Variants in ADGB observed in about 807,000 individuals in gnomAD.
The protein encoded by ADGB is androglobin.
A neutral mutation model predicts 210.5 loss-of-function variants in ADGB; 172 were observed. The ratio of observed to expected loss-of-function variants is 0.82; its 90% CI spans 0.72 to 0.93. The LOEUF is 0.93. Among genes scored for constraint, ADGB ranks in the 40% least tolerant of loss-of-function variants. ADGB has a pLI of 0.00. For synonymous variants in ADGB, 658 were observed against 662.7 expected (o/e 0.99, Z 0.11); for missense variants, 2,025 against 1,964.8 (o/e 1.03, Z -0.58).
chr6:146,677,925 T>C (rs1398176571), intron 9 of ADGB, among the ~76,000 whole-genome samples: 1 of 152,176 alleles, frequency 6.6e-6, no homozygotes, highest in Non-Finnish European at 1.5e-5. Context: ...TAGAGCTACA[T>C]TTTAGCATAT....
intron 1 of ADGB, among the ~76,000 whole-genome samples, chr6:146,609,088 GTCT>G (rs1397999714): frequency 7.2e-5 from 11 of 152,078 alleles, no homozygotes; most frequent in Non-Finnish European, 1.0e-4. Context: ...GGATAGTTAA[GTCT>G]TCTTTTTGAA....
chr6:146,630,687 T>C (rs1470997948), intron 1 of ADGB, among the ~76,000 whole-genome samples: 1 of 152,220 alleles, frequency 6.6e-6, no homozygotes, highest in Non-Finnish European at 1.5e-5. Context: ...TTTCAATATA[T>C]ACAGTACATG....
chr6:146,774,295 G>A (rs1777693005), intron 29 of ADGB, among the ~76,000 whole-genome samples: 1 of 152,160 alleles, frequency 6.6e-6, no homozygotes, highest in Non-Finnish European at 1.5e-5. Context: ...ATGTAAATAT[G>A]TAGAATTGGG....
chr6:146,611,975 T>C (rs543673142), intron 1 of ADGB, among the ~76,000 whole-genome samples: 1 of 152,238 alleles, frequency 6.6e-6, no homozygotes, highest in South Asian at 2.1e-4. Context: ...AAGCTTAAGA[T>C]CTTAGTGGCC....
At chr6:146,629,835 C>G (rs1781033096) in intron 1 of ADGB, among the ~76,000 whole-genome samples, 1 of 152,086 alleles carries the variant, frequency 6.6e-6, no homozygotes, top group Admixed American at 6.6e-5. Context: ...TTCTTACATG[C>G]TACTTAGGAA....
At position 146,748,076 on chromosome 6, in the gene ADGB, G is replaced by A. The variant is rs552286228; in HGVS notation, c.3365+1967G>A. Among the ~76,000 whole-genome samples the A allele has an allele frequency of 1.1e-3, 164 of 151,868 alleles. 1 individual carries two copies. The highest frequency in any genetic ancestry group is 8.9e-3 in the Admixed American group (136 of 15,214). On this transcript the variant is annotated intron_variant, in intron 26 of 35. Transcript: ENST00000397944. ...TGGGATTACAGATGTGAGCAACTGC[G>A]CCCAGCCCATTAATTATATTTTATA...
intron 13 of ADGB, among the ~76,000 whole-genome samples, chr6:146,702,482 T>C (rs1314923055): frequency 6.6e-6 from 1 of 151,838 alleles, no homozygotes; most frequent in Admixed American, 6.6e-5. Flanking sequence ...GTAAAACAAA[T>C]GTAAAGAAAT....
chr6:146,665,211 A>G lies in ADGB; in HGVS notation c.752+871A>G, dbSNP rs117678649. 4.9e-3 allele frequency among the ~76,000 whole-genome samples: 744 copies of G among 151,930 alleles called. 13 individuals are homozygous for G. Among genetic ancestry groups the G allele is most frequent in the East Asian group, 0.046 (239 of 5,142 alleles). On this transcript the variant is annotated intron_variant, in intron 6 of 35. Transcript: ENST00000397944. ...CTCAGCCCCCTCCCCTTCTATAAACATTGCAATGTTAGTCAGAAGTCAGGC... is the reference window on the plus strand; with the variant it reads ...CTCAGCCCCCTCCCCTTCTATAAACGTTGCAATGTTAGTCAGAAGTCAGGC...
intron 13 of ADGB, among the ~76,000 whole-genome samples, chr6:146,711,939 C>G (rs1466483837): frequency 1.3e-5 from 2 of 151,896 alleles, no homozygotes; most frequent in Non-Finnish European, 2.9e-5. Context: ...TGTCTGTTGT[C>G]CCAGCTCTGT....
chr6:146,676,006 C>A (rs182652040), intron 8 of ADGB, among the ~76,000 whole-genome samples: 1 of 152,066 alleles, frequency 6.6e-6, no homozygotes, highest in Admixed American at 6.6e-5. Context: ...AGAAAATTAC[C>A]TTGATACTAT....
intron 26 of ADGB, among the ~76,000 whole-genome samples, chr6:146,750,768 G>A (rs1483713834): frequency 6.6e-6 from 1 of 152,038 alleles, no homozygotes. Flanking sequence ...TTTTGCAAGA[G>A]GTTTCCAAAC....
chr6:146,778,145 A>G (rs1777748106), intron 29 of ADGB, among the ~76,000 whole-genome samples: 1 of 152,164 alleles, frequency 6.6e-6, no homozygotes, highest in Non-Finnish European at 1.5e-5. Flanking sequence ...AATTCTGTTA[A>G]TCCCACACTC....
At chr6:146,781,238 G>C (rs1777795571) in intron 29 of ADGB, among the ~76,000 whole-genome samples, 1 of 151,192 alleles carries the variant, frequency 6.6e-6, no homozygotes, top group East Asian at 1.9e-4. Context: ...AGCTACTCGG[G>C]AGGCTGAGGC....
At chr6:146,631,333 T>C (rs1225709593) in intron 1 of ADGB, among the ~76,000 whole-genome samples, 1 of 152,168 alleles carries the variant, frequency 6.6e-6, no homozygotes, top group Non-Finnish European at 1.5e-5. Flanking sequence ...TTTCATTTTG[T>C]GGTATAACCA....
chr6:146,626,229 A>G (rs1007798899), intron 1 of ADGB, among the ~76,000 whole-genome samples: 2 of 152,032 alleles, frequency 1.3e-5, no homozygotes, highest in African/African-American at 4.8e-5. Context: ...TTATCATCAT[A>G]TATTTGATGT....
intron 4 of ADGB, among the ~76,000 whole-genome samples, chr6:146,655,263 C>T (rs1775762954): frequency 2.0e-5 from 3 of 152,232 alleles, no homozygotes; most frequent in Admixed American, 2.0e-4. Context: ...GCCCATCCTG[C>T]CCTATGCCAT....
rs1162797816 is a variant in ADGB, at chr6:146,691,471, T to C, written c.1486+181T>C. On this transcript the variant is annotated intron_variant, in intron 11 of 35. Coordinates refer to ENST00000397944, the MANE Select transcript of ADGB (RefSeq NM_024694.4). ...ATATATATATATAAAAATATATATA[T>C]ATATAAATATATATATATATATATA... 4.1e-4 allele frequency among the ~76,000 whole-genome samples: 19 copies of C among 46,220 alleles called. 1 individual carries two copies. Among genetic ancestry groups the C allele is most frequent in the Admixed American group, 2.4e-3 (7 of 2,952 alleles). The allele number at this position is 46,220 out of a possible 152,430, so 30.3% of individuals were successfully genotyped here.
chr6:146,623,336 TTAAG>T (rs1385921597), intron 1 of ADGB, among the ~76,000 whole-genome samples: 31 of 152,078 alleles, frequency 2.0e-4, no homozygotes, highest in African/African-American at 6.7e-4. Flanking sequence ...TATTCATTTA[TTAAG>T]TATTTATTGA....
intron 29 of ADGB, among the ~76,000 whole-genome samples, chr6:146,771,054 AATT>A (rs1204660127): frequency 6.6e-6 from 1 of 152,094 alleles, no homozygotes; most frequent in Non-Finnish European, 1.5e-5. Context: ...AAGAGAACAC[AATT>A]ATTCTGTGAG....
Sources: gnomAD v4.1 joint callset for allele counts (sites outside exome capture counted in the v4.1 genomes callset) on GRCh38, gnomAD v4.1.1 for gene constraint, MANE v1.5 for transcripts, NCBI Gene and HGNC (gene_info 2026-07-23, HGNC 2026-07-21) for gene names.